The following ALDH1A2 variants were observed in gnomAD, a reference collection of about 807,000 sequenced individuals.
ALDH1A2 encodes the protein aldehyde dehydrogenase 1 family member A2.
In ALDH1A2, 27 loss-of-function variants were observed where a neutral mutation model predicts 60.3. That is an observed-to-expected ratio of 0.45 (90% CI 0.33 to 0.62). The LOEUF is 0.62. Among genes scored for constraint, ALDH1A2 ranks in the 20% least tolerant of loss-of-function variants. ALDH1A2 has a pLI of 0.02. For missense variants in ALDH1A2, 581 were observed against 643.8 expected (o/e 0.90, Z 1.06); for synonymous variants, 289 against 232.4 (o/e 1.24, Z -2.21).
intron 1 of ALDH1A2, among the ~76,000 whole-genome samples, chr15:58,045,659 C>A (rs1432354965): frequency 6.6e-6 from 1 of 152,052 alleles, no homozygotes; most frequent in Non-Finnish European, 1.5e-5. Context: ...AAACCAAACA[C>A]CGCATATTCT....
intron 1 of ALDH1A2, chr15:58,065,249 G>C (rs1249772163): frequency 1.4e-5 from 6 of 443,882 alleles, no homozygotes; most frequent in East Asian, 1.0e-4. Flanking sequence ...CGGGAGAATC[G>C]GACAGAAACC....
At chr15:57,967,281 C>CTA (rs1291695612) in intron 7 of ALDH1A2, among the ~76,000 whole-genome samples, 3 of 151,514 alleles carry the variant, frequency 2.0e-5, no homozygotes, top group Non-Finnish European at 4.4e-5. Flanking sequence ...GATAAAAATA[C>CTA]TATGTACTTC....
In ALDH1A2 at chr15:58,005,922, A is replaced by G. The variant is rs549069811; in HGVS notation, c.493+4727T>C. On this transcript the variant is annotated intron_variant, in intron 4 of 12. Transcript: ENST00000249750. ...TCGATTTTCATTATTTGTGGATTCC[A>G]TATTTAAGGACTTGCCTACTACCTA... 3.0e-4 allele frequency among the ~76,000 whole-genome samples: 46 copies of G among 152,004 alleles called. 1 individual carries two copies. The highest frequency in any genetic ancestry group is 2.3e-3 in the East Asian group (12 of 5,164).
chr15:57,999,874 T>G (rs1223134814), intron 4 of ALDH1A2, among the ~76,000 whole-genome samples: 1 of 152,058 alleles, frequency 6.6e-6, no homozygotes, highest in East Asian at 1.9e-4. Context: ...CAAGGAATAC[T>G]ATGCAGCCAT....
intron 4 of ALDH1A2, among the ~76,000 whole-genome samples, chr15:57,999,700 G>A (rs7171714): frequency 0.47 from 71,633 of 151,660 alleles, 17,339 homozygotes; most frequent in Non-Finnish European, 0.53. Context: ...TTACCCAGCA[G>A]TCCCATTACT....
intron 1 of ALDH1A2, among the ~76,000 whole-genome samples, chr15:58,028,541 A>C (rs1896140310): frequency 1.3e-5 from 2 of 152,256 alleles, no homozygotes. Context: ...GATCAAATTC[A>C]CACATAACAA....
chr15:58,051,670 T>A (rs764638342), intron 1 of ALDH1A2, among the ~76,000 whole-genome samples: 2 of 152,142 alleles, frequency 1.3e-5, no homozygotes, highest in Non-Finnish European at 2.9e-5. Flanking sequence ...TATGGCCTGA[T>A]CACTCTCCCT....
chr15:57,956,700 GCT>G (rs1250735211), intron 12 of ALDH1A2, among the ~76,000 whole-genome samples: 1 of 152,084 alleles, frequency 6.6e-6, no homozygotes, highest in Non-Finnish European at 1.5e-5. Context: ...CTCAGCTCTG[GCT>G]CTCTCTGGTC....
intron 1 of ALDH1A2, among the ~76,000 whole-genome samples, chr15:58,052,725 A>G (rs146655410): frequency 9.3e-4 from 141 of 152,292 alleles, no homozygotes; most frequent in African/African-American, 2.8e-3. Flanking sequence ...ATGAACATAC[A>G]TAAGTGACAG....
At chr15:58,037,359 G>A (rs1486273540) in intron 1 of ALDH1A2, among the ~76,000 whole-genome samples, 5 of 151,624 alleles carry the variant, frequency 3.3e-5, no homozygotes, top group African/African-American at 1.2e-4. Context: ...GAAAAATACT[G>A]TAGAGGAAAC....
At chr15:58,052,745 C>T (rs1331910034) in intron 1 of ALDH1A2, among the ~76,000 whole-genome samples, 1 of 152,120 alleles carries the variant, frequency 6.6e-6, no homozygotes, top group African/African-American at 2.4e-5. Context: ...GAGCTGGGGT[C>T]AGAACACGGG....
chr15:57,983,451 G>A (rs142809317), intron 7 of ALDH1A2, among the ~76,000 whole-genome samples: 6 of 152,244 alleles, frequency 3.9e-5, no homozygotes, highest in Non-Finnish European at 5.9e-5. Context: ...AAGAGAAAAG[G>A]AAGACAGCCT....
At chr15:57,978,546 G>A (rs552803494) in intron 7 of ALDH1A2, among the ~76,000 whole-genome samples, 268 of 152,294 alleles carry the variant, frequency 1.8e-3, no homozygotes, top group African/African-American at 5.8e-3. Context: ...ACTGGATTGT[G>A]GTGGATAAGA....
chr15:58,011,507 T>A (rs374193605), intron 3 of ALDH1A2, among the ~76,000 whole-genome samples: 19 of 152,330 alleles, frequency 1.2e-4, no homozygotes, highest in African/African-American at 3.8e-4. Flanking sequence ...GAGAAGAGTA[T>A]TTTGACTTGA....
chr15:57,996,462 A>C (rs1413052578), intron 4 of ALDH1A2, among the ~76,000 whole-genome samples: 4 of 150,772 alleles, frequency 2.7e-5, no homozygotes, highest in South Asian at 2.1e-4. Flanking sequence ...TTTTTTATAC[A>C]AACGGGATAT....
chr15:57,998,972 T>C (rs946248962), intron 4 of ALDH1A2, among the ~76,000 whole-genome samples: 8 of 152,074 alleles, frequency 5.3e-5, no homozygotes, highest in African/African-American at 7.2e-5. Context: ...ATATAATAAA[T>C]GGTGCTGGGA....
In ALDH1A2 at chr15:57,960,794, T is replaced by C; in HGVS notation, c.1460A>G (p.Lys487Arg). 1 of 1,614,014 alleles carries C rather than the reference T, an allele frequency of 6.2e-7. No individual in the cohort carries two copies. The highest frequency in any genetic ancestry group is 8.5e-7 in the Non-Finnish European group (1 of 1,179,886). ...CATTTCTCTCCCATTTCCAGACATC[T>C]TGAATCCCCCAAAGGGGCTCTGGGC... ...LNAQSPFGGF[K>R]MSGNGREMGE... The change falls in exon 12 of 13, where the codon AAG becomes AGG. Residue 487 changes from lysine to arginine, a missense_variant. Transcript: ENST00000249750.
chr15:58,030,215 G>T (rs1178589180), intron 1 of ALDH1A2, among the ~76,000 whole-genome samples: 1 of 152,094 alleles, frequency 6.6e-6, no homozygotes, highest in Non-Finnish European at 1.5e-5. Flanking sequence ...TTCATCCCTG[G>T]GATGCAAGGC....
intron 1 of ALDH1A2, among the ~76,000 whole-genome samples, chr15:58,023,811 G>T (rs1895998899): frequency 1.3e-5 from 2 of 152,148 alleles, no homozygotes; most frequent in Non-Finnish European, 2.9e-5. Context: ...TCAAAATAGG[G>T]CTGGGCAGGG....
Sources: gnomAD v4.1 joint callset for allele counts (sites outside exome capture counted in the v4.1 genomes callset) on GRCh38, gnomAD v4.1.1 for gene constraint, MANE v1.5 for transcripts, NCBI Gene and HGNC (gene_info 2026-07-23, HGNC 2026-07-21) for gene names.